The following SOHLH1 variants were observed in gnomAD, a reference collection of about 807,000 sequenced individuals.
SOHLH1 encodes spermatogenesis and oogenesis specific basic helix-loop-helix 1, also known as spermatogenesis- and oogenesis-specific basic helix-loop-helix-containing protein 1.
Under a neutral mutation model 36.2 loss-of-function variants are expected in SOHLH1, and 23 were observed. The ratio of observed to expected loss-of-function variants is 0.64; its 90% CI spans 0.46 to 0.90. SOHLH1 has a LOEUF of 0.90. Among genes scored for constraint, SOHLH1 ranks in the 40% least tolerant of loss-of-function variants. The pLI, the probability that SOHLH1 is intolerant of heterozygous loss-of-function variation, is 0.00. For synonymous variants in SOHLH1, 289 were observed against 228.3 expected (o/e 1.27, Z -2.40); for missense variants, 608 against 517.0 (o/e 1.18, Z -1.71).
Position 135,693,693 on chromosome 9 carries a change from G to A in SOHLH1, c.1068C>T (p.Asp356=). The A allele has an allele frequency of 6.3e-7, 1 of 1,578,874 alleles. No homozygotes were observed. The highest frequency in any genetic ancestry group is 8.6e-7 in the Non-Finnish European group (1 of 1,163,170). Residue 356 remains aspartate (D), a synonymous_variant, in exon 8 of 8, where the codon GAC becomes GAT. Transcript: ENST00000425225. ...DPELGSQELQ[D]SPLEPWGLDV... ...CCAGGCCCCACGGCTCCAGAGGGCT[G>A]TCCTGGAGCTCCTGGGAGCCAAGCT...
Position 135,695,535 on chromosome 9 carries a change from C to G in SOHLH1, c.662-272G>C, listed in dbSNP as rs1834756096. 2.0e-5 allele frequency among the ~76,000 whole-genome samples: 3 copies of G among 152,114 alleles called. No homozygotes were observed. The South Asian group carries it at 6.2e-4, about 31-fold the overall frequency. On this transcript the variant is annotated intron_variant, in intron 5 of 7. Coordinates refer to ENST00000425225, the MANE Select transcript of SOHLH1 (RefSeq NM_001101677.2). Reference sequence around the variant, plus strand: ...TGCTGGCTTGGCCAGCCGCAAGGGGCTTGGATCTGGGGACCCTCTCAGCAC... The same window carrying G: ...TGCTGGCTTGGCCAGCCGCAAGGGGGTTGGATCTGGGGACCCTCTCAGCAC...
Position 135,694,415 on chromosome 9 carries a change from C to G in SOHLH1, c.918G>C (p.Leu306=). The G allele has an allele frequency of 1.9e-6, 3 of 1,613,336 alleles. No individual in the cohort carries two copies. Among genetic ancestry groups the G allele is most frequent in the Non-Finnish European group, 2.5e-6 (3 of 1,180,036 alleles). Residue 306 remains leucine (L), a synonymous_variant, in exon 7 of 8, where the codon CTG becomes CTC. Transcript: ENST00000425225. The part of the protein sequence containing the change: ...GSDVDDGTSF[L]LTAGPSSWPG... ...GCCACGAGCTGGGACCAGCAGTCAG[C>G]AGGAAGGACGTCCCATCGTCCACAT...
At chr9:135,698,615 G>T in intron 2 of SOHLH1, 139 bp from the exon 3 acceptor site, 1 of 1,259,030 alleles carries the variant, frequency 7.9e-7, no homozygotes, top group Non-Finnish European at 1.1e-6. Flanking sequence ...AGCTGCCCCC[G>T]TGGTCTGAAG....
At position 135,698,358 on chromosome 9, in the gene SOHLH1, C is replaced by T. The variant is rs1288074423; in HGVS notation, c.316G>A (p.Ala106Thr). Residue 106 changes from alanine to threonine, a missense_variant, in exon 3 of 8, where the codon GCC becomes ACC. Ala to Thr is a moderately conservative substitution (Grantham distance 58, BLOSUM62 0). Transcript: ENST00000425225. ...TGCTGCTCCTGACTGGGCCCCAGGG[C>T]GCTGGCAAGCCGCAGGAACTGCACA... is the stretch of plus-strand genomic sequence containing the variant. Reference protein sequence around the residue: ...MSVQFLRLASALGPSQEQHAI... With the variant: ...MSVQFLRLASTLGPSQEQHAI... The T allele has an allele frequency of 4.3e-6, 7 of 1,612,898 alleles. No individual in the cohort carries two copies. In the South Asian group the frequency reaches 4.4e-5, roughly 10 times the overall value.
rs1015637305 is a variant in SOHLH1 at position 135,699,021 on chromosome 9, C to G, written c.171G>C (p.Arg57=). ...TGCGCTCCCTCTCGCTGATCACGTTCCGCCGAAGGCAGGAGCTGGGACCCT... is the reference window on the plus strand; with the variant it reads ...TGCGCTCCCTCTCGCTGATCACGTTGCGCCGAAGGCAGGAGCTGGGACCCT... ...VAEGPSSCLR[R]NVISERERRK... is the part of the protein sequence containing the mutation. Residue 57 remains arginine, a synonymous_variant, in exon 2 of 8, where the codon CGG becomes CGC. Transcript: ENST00000425225. The G allele has an allele frequency of 6.2e-7, 1 of 1,611,526 alleles. No homozygotes were observed. The highest frequency in any genetic ancestry group is 1.3e-5 in the African/African-American group (1 of 74,906).
At chr9:135,699,891 G>A (rs1296199075), upstream of SOHLH1, among the ~76,000 whole-genome samples, 1 of 149,792 alleles carries the variant, frequency 6.7e-6, no homozygotes, top group African/African-American at 2.4e-5. Flanking sequence ...GCTGGGCTGA[G>A]TTGTTTAGCC....
At chr9:135,698,255 A>G (rs112147649) in intron 3 of SOHLH1, 74 bp downstream of exon 3, 34,875 of 1,597,728 alleles carry the variant, frequency 0.022, 842 homozygotes, top group African/African-American at 0.12. Context: ...CAGGGGACAC[A>G]CTGCCTGCAA....
rs756754075 is a variant in SOHLH1, at chr9:135,695,149, T to C, written c.776A>G (p.Glu259Gly). 5 of 1,599,648 alleles carry C rather than the reference T, an allele frequency of 3.1e-6. No homozygotes were observed. In the East Asian group the frequency reaches 1.1e-4, roughly 36 times the overall value. The change falls in exon 6 of 8, where the codon GAG (glutamate) becomes GGG (glycine). Residue 259 changes from glutamate (E) to glycine (G), a missense_variant. Physicochemically the swap from Glu to Gly is moderately conservative, Grantham distance 98 (BLOSUM62 -2). Coordinates refer to ENST00000425225, the MANE Select transcript of SOHLH1 (RefSeq NM_001101677.2). ...AGCCTGGCCCAGCCAGCCAAGGGCC[T>C]CCCCGCTCATCACGGGCAAGGTCTG... is the stretch of plus-strand genomic sequence containing the variant. ...QQQTLPVMSGEALGWLGQAGP... is the reference protein window; with the variant it reads ...QQQTLPVMSGGALGWLGQAGP...
At position 135,693,612 on chromosome 9, in the gene SOHLH1, G is replaced by A. The variant is rs765779351; in HGVS notation, c.1149C>T (p.Asp383=). 2.5e-6 allele frequency: 4 copies of A among 1,577,838 alleles called. No homozygotes were observed. In the South Asian group the frequency reaches 4.7e-5, roughly 18 times the overall value. The change falls in exon 8 of 8, where the codon GAC becomes GAT. Residue 383 remains aspartate, a synonymous_variant. Transcript: ENST00000425225. ...AGCCTGGCTGCTAGCAGGCAAAGAA[G>A]TCAGGGAAGATGCTCTCCACCTCGT... ...LKDEVESIFP[D]FFAC is the part of the protein sequence containing the mutation.
Position 135,696,873 on chromosome 9 carries a change from A to G in SOHLH1, c.468-68T>C, listed in dbSNP as rs1187573409. ...GCCCCCTGGAAGGCTGCCCCCACCC[A>G]CCCCAAGAGCAGAGGGCTGGACCCA... On this transcript the variant is annotated intron_variant, in intron 4 of 7. Transcript: ENST00000425225. The G allele has an allele frequency of 2.6e-6, 4 of 1,528,762 alleles. No individual in the cohort carries two copies. The East Asian group carries it at 9.5e-5, about 36-fold the overall frequency. The allele number at this position is 1,528,762 out of a possible 1,614,324, so 94.7% of individuals were successfully genotyped here.
At chr9:135,697,100 G>T (rs991069027) in intron 4 of SOHLH1, among the ~76,000 whole-genome samples, 1 of 152,236 alleles carries the variant, frequency 6.6e-6, no homozygotes, top group Non-Finnish European at 1.5e-5. Flanking sequence ...ACAAGATGCA[G>T]ACAGTCCTTC....
At chr9:135,701,267 C>T (rs1455581749), upstream of SOHLH1, among the ~76,000 whole-genome samples, 1 of 152,224 alleles carries the variant, frequency 6.6e-6, no homozygotes, top group Non-Finnish European at 1.5e-5. Context: ...CTGCTGCCTC[C>T]TGGAGAAACA....
intron 4 of SOHLH1, 77 bp downstream of exon 4, chr9:135,697,429 G>A (rs1333518116): frequency 1.9e-6 from 3 of 1,573,506 alleles, no homozygotes; most frequent in East Asian, 2.3e-5. Flanking sequence ...ACCCTCCCGA[G>A]GACATGCCAG....
intron 7 of SOHLH1, 71 bp from the exon 8 acceptor site, chr9:135,693,885 G>A (rs566811003): frequency 1.0e-4 from 154 of 1,500,812 alleles, no homozygotes; most frequent in East Asian, 1.7e-4. Flanking sequence ...AGGTGGGGTC[G>A]GAGGAACAGA....
At chr9:135,696,950 G>C in intron 4 of SOHLH1, 145 bp from the exon 5 acceptor site, 1 of 923,894 alleles carries the variant, frequency 1.1e-6, no homozygotes. Context: ...TCTGCCCAGG[G>C]GCCCTGGGCC....
At position 135,697,613 on chromosome 9, in the gene SOHLH1, G is replaced by A. The variant is rs144526226; in HGVS notation, c.360C>T (p.Ser120=). 3 of 1,611,962 alleles carry A rather than the reference G, an allele frequency of 1.9e-6. No individual in the cohort carries two copies. The highest frequency in any genetic ancestry group is 1.7e-6 in the Non-Finnish European group (2 of 1,179,400). ...CCTGCAACGAGTGCCACATTTCCTT[G>A]GAGGAAGCAAGAATCTGAAATTTAA... is the stretch of plus-strand genomic sequence containing the variant. The part of the protein sequence containing the change: ...SQEQHAILAS[S]KEMWHSLQED... The change falls in exon 4 of 8, where the codon TCC becomes TCT. Residue 120 remains serine (S), a synonymous_variant. Transcript: ENST00000425225.
intron 6 of SOHLH1, among the ~76,000 whole-genome samples, 200 bp downstream of exon 6, chr9:135,694,850 T>C (rs143031095): frequency 6.6e-6 from 1 of 151,264 alleles, no homozygotes; most frequent in Non-Finnish European, 1.5e-5. Context: ...GAAACACACA[T>C]TAGAAAGCCA....
chr9:135,699,414 G>T lies in SOHLH1; in HGVS notation c.54C>A (p.Val18=). ...GCCCAATTCCTCACTTGCATCCCCT[G>T]ACGGTAGGGATTCTGGAGACCTCCG... ...PYPEVSRIPT[V]RGCNGSLSGA... The change falls in exon 1 of 8, where the codon GTC becomes GTA. Residue 18 remains valine, a synonymous_variant. Transcript: ENST00000425225. 1 of 1,612,078 alleles carries T rather than the reference G, an allele frequency of 6.2e-7. No individual in the cohort carries two copies. The highest frequency in any genetic ancestry group is 1.7e-4 in the Middle Eastern group (1 of 6,060).
chr9:135,696,833 T>C (rs375725814), intron 4 of SOHLH1, 28 bp from the exon 5 acceptor site: 29 of 1,611,610 alleles, frequency 1.8e-5, no homozygotes, highest in Non-Finnish European at 2.5e-5. Context: ...ACAAGGATCC[T>C]GGGTCTATTC....
Sources: allele counts gnomAD v4.1 joint callset (sites outside exome capture counted in the v4.1 genomes callset), GRCh38; gene constraint gnomAD v4.1.1; transcripts MANE v1.5; gene names NCBI Gene and HGNC (gene_info 2026-07-23, HGNC 2026-07-21).